Variants in PKP1 observed in about 807,000 individuals in gnomAD.
The protein encoded by PKP1 is plakophilin 1.
A neutral mutation model predicts 76.4 loss-of-function variants in PKP1; 27 were observed. The ratio of observed to expected loss-of-function variants is 0.35; its 90% confidence interval spans 0.26 to 0.49. The LOEUF (loss-of-function observed/expected upper bound fraction) is 0.49, where lower values mean the gene tolerates loss of function less well. PKP1 is among the 20% of genes least tolerant of loss of function. PKP1 has a pLI of 0.99. For missense variants in PKP1, 964 were observed against 955.2 expected (o/e 1.01, Z -0.12); for synonymous variants, 404 against 384.2 (o/e 1.05, Z -0.60).
At position 201,313,244 on chromosome 1, in the gene PKP1, C is replaced by A. The variant is rs1249139986; in HGVS notation, c.385C>A (p.His129Asn). 6.2e-7 allele frequency: 1 copy of A among 1,604,850 alleles called. No homozygotes were observed. The highest frequency in any genetic ancestry group is 1.7e-5 in the Admixed American group (1 of 58,890). The change falls in exon 3 of 14, where the codon CAC becomes AAC. Residue 129 changes from histidine (H) to asparagine (N), a missense_variant. Physicochemically the swap from His to Asn is moderately conservative, Grantham distance 68 (BLOSUM62 1). Transcript: ENST00000367324. Reference sequence around the variant, plus strand: ...CAGCCAGATGGAGAACTGGAGCCGGCACTACCCCCGGGGCAGCTGTAACAC... The same window carrying A: ...CAGCCAGATGGAGAACTGGAGCCGGAACTACCCCCGGGGCAGCTGTAACAC... ...SYSQMENWSRHYPRGSCNTTG... is the reference protein window; with the variant it reads ...SYSQMENWSRNYPRGSCNTTG...
rs571774382 is a variant in PKP1 at position 201,285,566 on chromosome 1, C to T, written c.202+1662C>T. On this transcript the variant is annotated intron_variant, in intron 1 of 13. Transcript: ENST00000367324. ...GAATTAGGTTTGGAATAACAAAGTG[C>T]CCCCATTTCTGGCTACAGCCCAGAG... Among the ~76,000 whole-genome samples, 159 of 152,284 alleles carry T rather than the reference C, an allele frequency of 1.0e-3. 2 individuals are homozygous for T. Among genetic ancestry groups the T allele is most frequent in the Non-Finnish European group, 1.9e-3 (132 of 68,030 alleles).
chr1:201,314,043 G>A (rs6669708), intron 3 of PKP1, among the ~76,000 whole-genome samples: 21,141 of 152,246 alleles, frequency 0.14, 1,915 homozygotes, highest in African/African-American at 0.26. Flanking sequence ...CTCTATCCAT[G>A]TTCTGAAAGA....
At position 201,313,532 on chromosome 1, in the gene PKP1, T is replaced by C. The variant is rs774055337; in HGVS notation, c.673T>C (p.Ser225Pro). 6.8e-6 allele frequency: 11 copies of C among 1,613,734 alleles called. No individual in the cohort carries two copies. In the Admixed American group the frequency reaches 1.8e-4, roughly 27 times the overall value. ...GCCCATCTCCTGCAACAAGGACCTG[T>C]CCTTTGGCCACTCTAGGGCCAGCTC... ...IPPISCNKDL[S>P]FGHSRASSKI... Residue 225 changes from serine (S) to proline (P), a missense_variant, in exon 3 of 14, where the codon TCC becomes CCC. Physicochemically the swap from Ser to Pro is moderately conservative, Grantham distance 74 (BLOSUM62 -1). Transcript: ENST00000367324.
chr1:201,300,221 C>A lies in PKP1; in HGVS notation c.306+6176C>A, dbSNP rs368647993. 8.9e-4 allele frequency among the ~76,000 whole-genome samples: 136 copies of A among 152,352 alleles called. 1 individual carries two copies. The highest frequency in any genetic ancestry group is 2.3e-3 in the South Asian group (11 of 4,826). ...AGCGGGCGGGCCGGCTCCAGGGGCA[C>A]CCCTCCCTGTGGAAGGAGCATGCCG... On this transcript the variant is annotated intron_variant, in intron 2 of 13. Coordinates refer to ENST00000367324, the MANE Select transcript of PKP1 (RefSeq NM_001005337.3).
intron 6 of PKP1, among the ~76,000 whole-genome samples, chr1:201,319,247 A>G (rs1395808959): frequency 6.6e-6 from 1 of 152,168 alleles, no homozygotes. Flanking sequence ...GCTTCACCCA[A>G]AGTTGCCTAA....
intron 5 of PKP1, among the ~76,000 whole-genome samples, chr1:201,317,997 T>C (rs1414765718): frequency 2.0e-5 from 3 of 152,106 alleles, no homozygotes; most frequent in African/African-American, 7.2e-5. Context: ...ACACAAGGGG[T>C]CACCATCTTT....
In PKP1 at chr1:201,316,576, G is replaced by A. The variant is rs544439085; in HGVS notation, c.725G>A (p.Cys242Tyr). 5 of 1,610,652 alleles carry A rather than the reference G, an allele frequency of 3.1e-6. No individual in the cohort carries two copies. The South Asian group carries it at 3.3e-5, about 11-fold the overall frequency. ...AGGATCTGCAGTGAGGACATCGAGT[G>A]CAGTGGGCTGACCATCCCCAAGGCT... ...SSKICSEDIE[C>Y]SGLTIPKAVQ... is the part of the protein sequence containing the mutation. Residue 242 changes from cysteine (C) to tyrosine (Y), a missense_variant, in exon 4 of 14, where the codon TGC becomes TAC. Transcript: ENST00000367324.
chr1:201,289,006 C>T (rs1040964301), intron 1 of PKP1, among the ~76,000 whole-genome samples: 13 of 152,196 alleles, frequency 8.5e-5, no homozygotes, highest in African/African-American at 2.9e-4. Flanking sequence ...CCAAAGTGCC[C>T]GGTGAGGCTG....
intron 9 of PKP1, 67 bp from the exon 10 acceptor site, chr1:201,324,361 C>A: frequency 6.5e-7 from 1 of 1,537,616 alleles, no homozygotes; most frequent in Non-Finnish European, 8.9e-7. Flanking sequence ...GGCTCCTTGC[C>A]CCTTTCTGCC....
At chr1:201,289,045 T>C (rs1467187176) in intron 1 of PKP1, among the ~76,000 whole-genome samples, 6 of 152,122 alleles carry the variant, frequency 3.9e-5, no homozygotes, top group Admixed American at 6.5e-5. Context: ...CCCCATCTCC[T>C]AGAAGCTGCC....
Position 201,328,889 on chromosome 1 carries a change from A to T in PKP1, c.*32+21A>T, listed in dbSNP as rs371965671. The stretch of plus-strand genomic sequence containing the variant: ...TGCAGGTAAGAATCACCCCACCCTC[A>T]GGGATGCCTCTGGGACCACTGCAAC... On this transcript the variant is annotated intron_variant, in intron 13 of 13. Transcript: ENST00000367324. The T allele has an allele frequency of 1.0e-5, 15 of 1,436,818 alleles. No individual in the cohort carries two copies. In the African/African-American group the frequency reaches 1.8e-4, roughly 17 times the overall value. The allele number at this position is 1,436,818 out of a possible 1,614,324, so 89.0% of individuals were successfully genotyped here.
intron 2 of PKP1, 90 bp from the exon 3 acceptor site, chr1:201,313,076 G>C: frequency 1.5e-6 from 2 of 1,323,148 alleles, no homozygotes; most frequent in Non-Finnish European, 2.1e-6. Flanking sequence ...GTTATTATGG[G>C]GGCTGGGGAG....
intron 1 of PKP1, among the ~76,000 whole-genome samples, chr1:201,292,089 G>A (rs1181986542): frequency 1.3e-5 from 2 of 152,238 alleles, no homozygotes; most frequent in African/African-American, 4.8e-5. Context: ...GTCAGGGCTA[G>A]GCCTGGAGTA....
chr1:201,325,241 G>A (rs1571564500), intron 11 of PKP1, 114 bp downstream of exon 11: 1 of 1,085,486 alleles, frequency 9.2e-7, no homozygotes. Context: ...CCAAGGGCAG[G>A]GGGAGCCAGG....
At chr1:201,306,679 C>CA (rs1558187531) in intron 2 of PKP1, among the ~76,000 whole-genome samples, 3 of 147,108 alleles carry the variant, frequency 2.0e-5, no homozygotes, top group South Asian at 4.3e-4. Context: ...AAAACTTTTA[C>CA]TTTTTTTTTT....
At chr1:201,302,678 T>C (rs1332144603) in intron 2 of PKP1, among the ~76,000 whole-genome samples, 1 of 151,932 alleles carries the variant, frequency 6.6e-6, no homozygotes, top group Non-Finnish European at 1.5e-5. Context: ...CAAAATCAGC[T>C]CAGGCACGGG....
chr1:201,321,048 A>G (rs1249336328), intron 7 of PKP1, among the ~76,000 whole-genome samples: 1 of 152,216 alleles, frequency 6.6e-6, no homozygotes, highest in African/African-American at 2.4e-5. Flanking sequence ...ACAGTGGCTC[A>G]GGAGATAGTG....
At chr1:201,297,984 G>C (rs1656122654) in intron 2 of PKP1, among the ~76,000 whole-genome samples, 1 of 152,178 alleles carries the variant, frequency 6.6e-6, no homozygotes, top group Admixed American at 6.5e-5. Flanking sequence ...ATTATTTGCT[G>C]TTTATGTAAA....
chr1:201,300,886 C>G (rs116036897), intron 2 of PKP1, among the ~76,000 whole-genome samples: 2,145 of 152,230 alleles, frequency 0.014, 37 homozygotes, highest in African/African-American at 0.049. Flanking sequence ...GAGGGCTGCC[C>G]TTAGCAGACA....
Sources: allele counts gnomAD v4.1 joint callset (sites outside exome capture counted in the v4.1 genomes callset), GRCh38; gene constraint gnomAD v4.1.1; transcripts MANE v1.5; gene names NCBI Gene and HGNC (gene_info 2026-07-23, HGNC 2026-07-21).